Variants in ACAD11 observed in about 807,000 individuals in gnomAD.
The protein encoded by ACAD11 is acyl-Coenzyme A dehydrogenase family, member 11.
A neutral mutation model predicts 102.2 loss-of-function variants in ACAD11; 83 were observed. The observed-to-expected ratio is 0.81, with a 90% confidence interval of 0.68 to 0.97. The LOEUF is 0.97. Among genes scored for constraint, ACAD11 ranks in the 50% least tolerant of loss-of-function variants. The pLI is 0.00. For synonymous variants in ACAD11, 324 were observed against 319.8 expected, an observed-to-expected ratio of 1.01 and a Z score of -0.14; for missense variants, 901 against 951.7, an observed-to-expected ratio of 0.95 and a Z score of 0.70.
At chr3:132,591,360 A>G (rs1412242339) in intron 13 of ACAD11, among the ~76,000 whole-genome samples, 1 of 152,050 alleles carries the variant, frequency 6.6e-6, no homozygotes, top group Non-Finnish European at 1.5e-5. Flanking sequence ...CCATTGGTCT[A>G]TGTGCCCATT....
At chr3:132,607,844 T>A (rs1049169884) in intron 11 of ACAD11, among the ~76,000 whole-genome samples, 5 of 151,576 alleles carry the variant, frequency 3.3e-5, no homozygotes, top group African/African-American at 1.2e-4. Context: ...AAGGTTGAAA[T>A]GAAAGAAAAA....
At chr3:132,578,639 C>T (rs1937556305) in intron 15 of ACAD11, 157 bp downstream of exon 15, 3 of 613,138 alleles carry the variant, frequency 4.9e-6, no homozygotes, top group East Asian at 3.3e-5. Flanking sequence ...ATTGGCTCTA[C>T]TCTGAACTCC....
In ACAD11 at chr3:132,631,397, T is replaced by C. The variant is rs1391922189; in HGVS notation, c.785A>G (p.Tyr262Cys). ...CATTGGAACTGTCCTTGGCCAAAAG[T>C]AGAACAGGGAAAAATGAGCTAAGTC... ...LSDLAHFSLF[Y>C]FWPRTVPMIN... Residue 262 changes from tyrosine to cysteine, a missense_variant, in exon 6 of 20, where the codon TAC (tyrosine) becomes TGC (cysteine). Tyr to Cys is a radical substitution (Grantham distance 194, BLOSUM62 -2). Transcript: ENST00000264990. 3.8e-6 allele frequency: 6 copies of C among 1,567,154 alleles called. No individual in the cohort carries two copies. Among genetic ancestry groups the C allele is most frequent in the Non-Finnish European group, 1.7e-6 (2 of 1,154,454 alleles).
In ACAD11 at chr3:132,611,494, T is replaced by C. The variant is rs538681548; in HGVS notation, c.1415-6289A>G. The stretch of plus-strand genomic sequence containing the variant: ...AAAACCCCATCGTCTCAGCCCAAAA[T>C]CTCCTTAAGCTGATAAGCCGCTTCA... On this transcript the variant is annotated intron_variant, in intron 11 of 19. Coordinates refer to ENST00000264990, the MANE Select transcript of ACAD11 (RefSeq NM_032169.5). Among the ~76,000 whole-genome samples, 84 of 152,184 alleles carry C rather than the reference T, an allele frequency of 5.5e-4. 1 individual carries two copies. The highest frequency in any genetic ancestry group is 1.9e-3 in the African/African-American group (78 of 41,526).
intron 17 of ACAD11, among the ~76,000 whole-genome samples, chr3:132,570,247 A>G (rs1426493599): frequency 6.6e-6 from 1 of 152,104 alleles, no homozygotes; most frequent in Non-Finnish European, 1.5e-5. Flanking sequence ...GGCTCTAAGG[A>G]GTTTTTTGGT....
chr3:132,560,505 A>G (rs181152119), intron 18 of ACAD11, among the ~76,000 whole-genome samples: 63 of 152,184 alleles, frequency 4.1e-4, no homozygotes, highest in Non-Finnish European at 7.1e-4. Flanking sequence ...CTGCTGCCTC[A>G]GAATCCTGGG....
At chr3:132,641,560 T>TGAA (rs370839030) in intron 4 of ACAD11, among the ~76,000 whole-genome samples, 20,013 of 99,602 alleles carry the variant, frequency 0.2, 2,518 homozygotes, top group Non-Finnish European at 0.22. Context: ...ATGATGATGA[T>TGAA]GAAGAAGAAG....
intron 11 of ACAD11, among the ~76,000 whole-genome samples, chr3:132,608,529 TA>T (rs926823158): frequency 6.0e-5 from 9 of 151,134 alleles, no homozygotes; most frequent in African/African-American, 2.2e-4. Flanking sequence ...CCAACAAAGA[TA>T]AAAAAAAGAC....
intron 13 of ACAD11, among the ~76,000 whole-genome samples, chr3:132,594,655 T>TGGAA (rs1366636463): frequency 5.3e-5 from 8 of 152,330 alleles, no homozygotes; most frequent in Admixed American, 5.2e-4. Flanking sequence ...GAAAGAGTTA[T>TGGAA]GGAAGGCTTC....
intron 11 of ACAD11, among the ~76,000 whole-genome samples, chr3:132,617,543 A>T (rs1383164636): frequency 1.3e-5 from 2 of 152,116 alleles, no homozygotes; most frequent in African/African-American, 2.4e-5. Context: ...CTTATCATCC[A>T]CTACACTACT....
intron 11 of ACAD11, among the ~76,000 whole-genome samples, chr3:132,614,870 T>C (rs1939338384): frequency 1.3e-5 from 2 of 152,074 alleles, no homozygotes; most frequent in Non-Finnish European, 2.9e-5. Context: ...AAAGAAACTA[T>C]CACCAGAGTG....
chr3:132,625,239 T>C (rs1297399463), intron 9 of ACAD11, among the ~76,000 whole-genome samples: 2 of 152,248 alleles, frequency 1.3e-5, no homozygotes, highest in African/African-American at 4.8e-5. Context: ...CTTCTATTGT[T>C]AGATTATTCT....
intron 17 of ACAD11, among the ~76,000 whole-genome samples, chr3:132,574,770 C>G (rs557185336): frequency 6.6e-6 from 1 of 152,304 alleles, no homozygotes; most frequent in East Asian, 1.9e-4. Flanking sequence ...TCCTACTTCT[C>G]TGTAGAAGAC....
chr3:132,621,967 A>G (rs1225572839), intron 9 of ACAD11, among the ~76,000 whole-genome samples: 14 of 141,466 alleles, frequency 9.9e-5, no homozygotes, highest in Non-Finnish European at 1.5e-4. Context: ...TGACAGAATG[A>G]GACTCTGTCT....
At position 132,600,570 on chromosome 3, in the gene ACAD11, G is replaced by A. The variant is rs1027143313; in HGVS notation, c.1621+2659C>T. ...ATAGTTTTCGTCATTGGACTTGCAG[G>A]CAATTCCATGGTAGTGGCAATTTAT... is the stretch of plus-strand genomic sequence containing the variant. On this transcript the variant is annotated intron_variant, in intron 13 of 19. Transcript: ENST00000264990. The A allele has an allele frequency of 5.6e-6, 9 of 1,613,810 alleles. No homozygotes were observed. In the African/African-American group the frequency reaches 1.1e-4, roughly 19 times the overall value.
Position 132,641,961 on chromosome 3 carries a change from G to C in ACAD11, c.537+11C>G. Reference sequence around the variant, plus strand: ...ACTTGAAAAAAATAGCTATTAATGTGGATGCATTACCTGTCTTTTGCAGTA... The same window carrying C: ...ACTTGAAAAAAATAGCTATTAATGTCGATGCATTACCTGTCTTTTGCAGTA... On this transcript the variant is annotated intron_variant, in intron 4 of 19. Coordinates refer to ENST00000264990, the MANE Select transcript of ACAD11 (RefSeq NM_032169.5). The C allele has an allele frequency of 6.3e-7, 1 of 1,585,036 alleles. No homozygotes were observed. Among genetic ancestry groups the C allele is most frequent in the Non-Finnish European group, 8.6e-7 (1 of 1,162,602 alleles).
intron 13 of ACAD11, among the ~76,000 whole-genome samples, chr3:132,585,347 G>A (rs1196667319): frequency 6.6e-6 from 1 of 152,146 alleles, no homozygotes; most frequent in Non-Finnish European, 1.5e-5. Context: ...ATTAATTCAA[G>A]ATGGATTAAA....
rs1164207664 is a variant in ACAD11 at position 132,628,391 on chromosome 3, A to C, written c.1019T>G (p.Phe340Cys). 6.2e-7 allele frequency: 1 copy of C among 1,613,384 alleles called. No homozygotes were observed. The highest frequency in any genetic ancestry group is 1.1e-5 in the South Asian group (1 of 90,948). The part of the protein sequence containing the change: ...GNNSSEDSFL[F>C]ANIVQPLAET... The stretch of plus-strand genomic sequence containing the variant: ...TGCCAGAGGTTGCACAATATTGGCA[A>C]ATAAAAAGCTATCCTCAGATGAATT... Residue 340 changes from phenylalanine to cysteine, a missense_variant, in exon 8 of 20, where the codon TTT (phenylalanine) becomes TGT (cysteine). Phe to Cys is a radical substitution (Grantham distance 205, BLOSUM62 -2). Transcript: ENST00000264990.
At chr3:132,562,497 G>A (rs1244290212) in intron 17 of ACAD11, among the ~76,000 whole-genome samples, 1 of 152,184 alleles carries the variant, frequency 6.6e-6, no homozygotes, top group Admixed American at 6.5e-5. Flanking sequence ...TGGGTCAGTG[G>A]TAAATGTTTA....
Sources: allele counts gnomAD v4.1 joint callset (sites outside exome capture counted in the v4.1 genomes callset), GRCh38; gene constraint gnomAD v4.1.1; transcripts MANE v1.5; gene names NCBI Gene and HGNC (gene_info 2026-07-23, HGNC 2026-07-21).